The following ZFYVE9 variants were observed in gnomAD, a reference collection of about 807,000 sequenced individuals.
ZFYVE9 encodes the protein zinc finger FYVE-type containing 9.
ZFYVE9 carries 43 observed loss-of-function variants against 126.7 expected under a neutral mutation model. The ratio of observed to expected loss-of-function variants is 0.34; its 90% CI spans 0.27 to 0.44. ZFYVE9 has a LOEUF of 0.44. Among genes scored for constraint, ZFYVE9 ranks in the 20% least tolerant of loss-of-function variants. ZFYVE9 has a pLI of 1.00. For synonymous variants in ZFYVE9, 521 were observed against 597.4 expected, an observed-to-expected ratio of 0.87 and a Z score of 1.87; for missense variants, 1,476 against 1,697.0, an observed-to-expected ratio of 0.87 and a Z score of 2.29.
At chr1:52,341,864 C>T (rs1646440159) in intron 17 of ZFYVE9, among the ~76,000 whole-genome samples, 1 of 152,170 alleles carries the variant, frequency 6.6e-6, no homozygotes, top group Non-Finnish European at 1.5e-5. Flanking sequence ...TGTAATGATT[C>T]GTCCCTTTGA....
At chr1:52,169,965 T>G (rs1644549512) in intron 1 of ZFYVE9, among the ~76,000 whole-genome samples, 1 of 152,216 alleles carries the variant, frequency 6.6e-6, no homozygotes, top group African/African-American at 2.4e-5. Context: ...TTATGTGATG[T>G]AACAGTTACA....
chr1:52,197,331 TAGATGTATGTGTTG>T (rs1644869670), intron 1 of ZFYVE9, among the ~76,000 whole-genome samples: 1 of 151,970 alleles, frequency 6.6e-6, no homozygotes, highest in African/African-American at 2.4e-5. Flanking sequence ...AGTATGAAAA[TAGATGTATGTGTTG>T]AGATGTGTGT....
intron 2 of ZFYVE9, among the ~76,000 whole-genome samples, chr1:52,218,365 G>A (rs974202259): frequency 6.6e-6 from 1 of 152,156 alleles, no homozygotes; most frequent in African/African-American, 2.4e-5. Context: ...GGTTTCCAAG[G>A]AATGTCAAAT....
At chr1:52,274,435 TG>T in intron 7 of ZFYVE9, 28 bp from the exon 8 acceptor site, 2 of 1,584,562 alleles carry the variant, frequency 1.3e-6, no homozygotes, top group Non-Finnish European at 1.7e-6. Context: ...TTCTCTGTAG[TG>T]CTCACTTTGT....
intron 1 of ZFYVE9, among the ~76,000 whole-genome samples, chr1:52,195,686 T>A (rs1436710508): frequency 6.6e-6 from 1 of 152,214 alleles, no homozygotes; most frequent in Non-Finnish European, 1.5e-5. Flanking sequence ...CAGAGTGTTT[T>A]TTATTTTTAT....
intron 2 of ZFYVE9, among the ~76,000 whole-genome samples, chr1:52,229,549 C>T (rs1645198831): frequency 6.6e-6 from 1 of 152,166 alleles, no homozygotes; most frequent in Non-Finnish European, 1.5e-5. Context: ...GTTATCGTAA[C>T]TGGAATTCAG....
At chr1:52,290,199 T>G (rs1006404828) in intron 10 of ZFYVE9, among the ~76,000 whole-genome samples, 6 of 152,052 alleles carry the variant, frequency 3.9e-5, no homozygotes, top group African/African-American at 1.2e-4. Context: ...TGCTGCATCA[T>G]CCCATGGCAG....
chr1:52,254,211 G>T, intron 4 of ZFYVE9: 1 of 473,330 alleles, frequency 2.1e-6, no homozygotes, highest in East Asian at 3.8e-5. Context: ...GTCATTAAAC[G>T]TATCTTTGTT....
intron 12 of ZFYVE9, 53 bp downstream of exon 12, chr1:52,296,030 G>A: frequency 6.7e-7 from 1 of 1,492,776 alleles, no homozygotes; most frequent in Non-Finnish European, 9.2e-7. Flanking sequence ...TATGGGAGAA[G>A]GAAGAAAGCA....
rs1183696624 is a variant in ZFYVE9, at chr1:52,172,280, A to T, written c.-143+29877A>T. ...GGAATCCTTTCCCCATTGCTTGTTTATCTCAGATTTGTCAAAGATCAGATA... is the reference window on the plus strand; with the variant it reads ...GGAATCCTTTCCCCATTGCTTGTTTTTCTCAGATTTGTCAAAGATCAGATA... On this transcript the variant is annotated intron_variant, in intron 1 of 18. Transcript: ENST00000287727. Among the ~76,000 whole-genome samples, 7 of 152,130 alleles carry T rather than the reference A, an allele frequency of 4.6e-5. No homozygotes were observed. The East Asian group carries it at 1.4e-3, about 29-fold the overall frequency.
At chr1:52,187,032 C>T (rs1347937112) in intron 1 of ZFYVE9, among the ~76,000 whole-genome samples, 1 of 152,078 alleles carries the variant, frequency 6.6e-6, no homozygotes, top group Non-Finnish European at 1.5e-5. Flanking sequence ...GGAAAAAGAA[C>T]AAAGCTGGAG....
intron 1 of ZFYVE9, among the ~76,000 whole-genome samples, chr1:52,174,982 T>G (rs1644610657): frequency 6.6e-6 from 1 of 152,222 alleles, no homozygotes; most frequent in Admixed American, 6.5e-5. Context: ...TGTCTTTTAA[T>G]TGGAGCGTTT....
intron 9 of ZFYVE9, among the ~76,000 whole-genome samples, chr1:52,280,826 A>C (rs1050334718): frequency 1.3e-5 from 2 of 152,154 alleles, no homozygotes; most frequent in South Asian, 2.1e-4. Flanking sequence ...TCATATATTA[A>C]ATTTAATAAA....
At position 52,263,092 on chromosome 1, in the gene ZFYVE9, A is replaced by AG. The variant is rs528079518; in HGVS notation, c.2179-681_2179-680insG. Among the ~76,000 whole-genome samples the AG allele has an allele frequency of 1.0e-3, 157 of 151,524 alleles. 2 individuals carry two copies. Among genetic ancestry groups the AG allele is most frequent in the African/African-American group, 3.6e-3 (147 of 41,232 alleles). ...AAATTGTGTCTCAAAAAAAAAAAAA[A>AG]AAAAAGAAAAGAAATCTTAACAGGA... is the stretch of plus-strand genomic sequence containing the variant. On this transcript the variant is annotated intron_variant, in intron 4 of 18. Coordinates refer to ENST00000287727, the MANE Select transcript of ZFYVE9 (RefSeq NM_004799.4).
intron 7 of ZFYVE9, among the ~76,000 whole-genome samples, chr1:52,269,043 C>A (rs1645661428): frequency 1.3e-5 from 2 of 152,290 alleles, no homozygotes; most frequent in South Asian, 4.1e-4. Flanking sequence ...TATCAACATC[C>A]CCTACCAGAG....
At chr1:52,341,933 G>T (rs1342184222) in intron 17 of ZFYVE9, among the ~76,000 whole-genome samples, 3 of 152,220 alleles carry the variant, frequency 2.0e-5, no homozygotes. Flanking sequence ...TTATAAAGCA[G>T]TTTGACCTCT....
rs753506554 is a variant in ZFYVE9 at position 52,238,816 on chromosome 1, G to C, written c.1399G>C (p.Asp467His). 4 of 1,614,048 alleles carry C rather than the reference G, an allele frequency of 2.5e-6. No homozygotes were observed. The highest frequency in any genetic ancestry group is 3.4e-6 in the Non-Finnish European group (4 of 1,179,958). The stretch of plus-strand genomic sequence containing the variant: ...AGAATGTGATTTCTCCACTGTTATA[G>C]ACACACCAGCAGCAAATTATCTATC... The part of the protein sequence containing the change: ...SEECDFSTVI[D>H]TPAANYLSNG... Residue 467 changes from aspartate (D) to histidine (H), a missense_variant, in exon 4 of 19, where the codon GAC (aspartate) becomes CAC (histidine). Physicochemically the swap from Asp to His is moderately conservative, Grantham distance 81. Coordinates refer to ENST00000287727, the MANE Select transcript of ZFYVE9 (RefSeq NM_004799.4).
intron 5 of ZFYVE9, 29 bp downstream of exon 5, chr1:52,263,901 GTTA>G (rs1479102119): frequency 9.0e-6 from 13 of 1,450,338 alleles, no homozygotes; most frequent in Non-Finnish European, 1.2e-5. Context: ...TGATTTCATA[GTTA>G]TTGAGACAAA....
chr1:52,278,511 A>C lies in ZFYVE9; in HGVS notation c.2766A>C (p.Lys922Asn), dbSNP rs1289636009. 6.2e-7 allele frequency: 1 copy of C among 1,614,028 alleles called. No homozygotes were observed. Among genetic ancestry groups the C allele is most frequent in the Non-Finnish European group, 8.5e-7 (1 of 1,179,960 alleles). ...GVKGDYAVEE[K>N]PSQISVMQQL... ...TTTCAGACTATGCTGTGGAAGAGAA[A>C]CCATCACAGATTTCAGTAATGCAGC... Residue 922 changes from lysine (K) to asparagine (N), a missense_variant, in exon 9 of 19, where the codon AAA becomes AAC. Physicochemically the swap from Lys to Asn is moderately conservative, Grantham distance 94. This residue lies in a region of ZFYVE9 where 669 missense variants were observed against 902.4 expected (regional missense o/e 0.74). Transcript: ENST00000287727.
Sources: gnomAD v4.1 joint callset for allele counts (sites outside exome capture counted in the v4.1 genomes callset) on GRCh38, gnomAD v4.1.1 for gene constraint, gnomAD v4.1.1 regional missense constraint, MANE v1.5 for transcripts, NCBI Gene and HGNC (gene_info 2026-07-23, HGNC 2026-07-21) for gene names.